ADAMTS17: variants seen among roughly 807,000 people sequenced by gnomAD.
ADAMTS17 encodes ADAM metallopeptidase with thrombospondin type 1 motif 17, also known as A disintegrin and metalloproteinase with thrombospondin motifs 17.
A neutral mutation model predicts 141.5 loss-of-function variants in ADAMTS17; 113 were observed. The ratio of observed to expected loss-of-function variants is 0.80; its 90% CI spans 0.69 to 0.93. The LOEUF (loss-of-function observed/expected upper bound fraction) is 0.93, where lower values mean the gene tolerates loss of function less well. Among genes scored for constraint, ADAMTS17 ranks in the 40% least tolerant of loss-of-function variants. The pLI is 0.00. For synonymous variants in ADAMTS17, 768 were observed against 630.6 expected (o/e 1.22, Z -3.27); for missense variants, 1,659 against 1,517.9 (o/e 1.09, Z -1.54).
intron 8 of ADAMTS17, among the ~76,000 whole-genome samples, chr15:100,176,975 G>T (rs1031724098): frequency 6.6e-6 from 1 of 152,206 alleles, no homozygotes; most frequent in Admixed American, 6.5e-5. Flanking sequence ...AGGTGGTATT[G>T]CATGATATGA....
chr15:100,028,796 T>C (rs142694927), intron 18 of ADAMTS17, among the ~76,000 whole-genome samples: 1 of 152,316 alleles, frequency 6.6e-6, no homozygotes, highest in African/African-American at 2.4e-5. Flanking sequence ...GCCATGCTCT[T>C]TGCCTGCTTT....
intron 4 of ADAMTS17, among the ~76,000 whole-genome samples, chr15:100,280,719 T>C (rs1206193396): frequency 6.6e-6 from 1 of 152,150 alleles, no homozygotes; most frequent in Non-Finnish European, 1.5e-5. Flanking sequence ...GTCTAACATT[T>C]GAGGAGTCAG....
rs536603255 is a variant in ADAMTS17, at chr15:100,142,039, G to T, written c.1474-8724C>A. 4.5e-4 allele frequency among the ~76,000 whole-genome samples: 69 copies of T among 152,352 alleles called. 2 individuals carry two copies. Among genetic ancestry groups the T allele is most frequent in the South Asian group, 1.9e-3 (9 of 4,834 alleles). ...GATGAGCAGTTTCCTAACTAAGCTG[G>T]ATGGAAGAATCTCCAGGGAAGCTGT... On this transcript the variant is annotated intron_variant, in intron 10 of 21. Transcript: ENST00000268070.
chr15:100,118,493 C>T (rs2141159760), intron 12 of ADAMTS17, among the ~76,000 whole-genome samples: 1 of 152,344 alleles, frequency 6.6e-6, no homozygotes, highest in Admixed American at 6.5e-5. Flanking sequence ...GCTGGTCTTC[C>T]AGTTAGGCAA....
At chr15:100,123,546 T>C (rs2037561439) in intron 12 of ADAMTS17, among the ~76,000 whole-genome samples, 1 of 152,180 alleles carries the variant, frequency 6.6e-6, no homozygotes, top group African/African-American at 2.4e-5. Flanking sequence ...GACTGATCCC[T>C]GAGGACCGGG....
At chr15:100,152,839 G>A in intron 9 of ADAMTS17, 77 bp from the exon 10 acceptor site, 1 of 978,188 alleles carries the variant, frequency 1.0e-6, no homozygotes, top group Non-Finnish European at 1.5e-6. Context: ...TTTTTTTTTT[G>A]AGTTTTCAGT....
At chr15:100,171,746 C>T (rs1490477528) in intron 8 of ADAMTS17, among the ~76,000 whole-genome samples, 1 of 152,170 alleles carries the variant, frequency 6.6e-6, no homozygotes, top group Non-Finnish European at 1.5e-5. Context: ...AACCTCCCGG[C>T]AGCCTGGCTC....
intron 21 of ADAMTS17, 65 bp from the exon 22 acceptor site, chr15:99,974,627 C>G (rs1490538597): frequency 3.7e-6 from 6 of 1,603,008 alleles, no homozygotes; most frequent in Non-Finnish European, 5.1e-6. Flanking sequence ...GATGCAGGCA[C>G]AGGGAGGGCT....
At chr15:100,318,526 G>A (rs1218862603) in intron 3 of ADAMTS17, among the ~76,000 whole-genome samples, 1 of 152,140 alleles carries the variant, frequency 6.6e-6, no homozygotes, top group East Asian at 1.9e-4. Context: ...CAGAGAGCAG[G>A]CCCCTCACCA....
At chr15:100,061,651 G>C (rs2033131064) in intron 15 of ADAMTS17, among the ~76,000 whole-genome samples, 1 of 152,212 alleles carries the variant, frequency 6.6e-6, no homozygotes, top group African/African-American at 2.4e-5. Context: ...GTGGAGATTA[G>C]GAAGACACTC....
intron 6 of ADAMTS17, chr15:100,256,842 G>C (rs1415188838): frequency 2.0e-5 from 3 of 152,582 alleles, no homozygotes; most frequent in African/African-American, 4.8e-5. Flanking sequence ...GCCCCCCCAG[G>C]TGCTGAAGCC....
At chr15:100,131,868 T>C (rs746796086) in intron 12 of ADAMTS17, 139 bp downstream of exon 12, 292 of 1,320,686 alleles carry the variant, frequency 2.2e-4, no homozygotes, top group Non-Finnish European at 2.8e-4. Flanking sequence ...CCCTGCACCC[T>C]GGACCTTGGC....
rs372568076 is a variant in ADAMTS17 at position 100,216,496 on chromosome 15, C to T, written c.1076-17073G>A. On this transcript the variant is annotated intron_variant, in intron 7 of 21. Transcript: ENST00000268070. The stretch of plus-strand genomic sequence containing the variant: ...CATCAGAGGCCACTCTCTTTATCTG[C>T]GCTGGGGGCCAGGACAAGGTTGGCC... Among the ~76,000 whole-genome samples the T allele has an allele frequency of 7.9e-5, 12 of 152,296 alleles. No individual in the cohort carries two copies. The East Asian group carries it at 1.7e-3, about 22-fold the overall frequency.
rs899343468 is a variant in ADAMTS17, at chr15:100,174,357, A to G, written c.1182-19037T>C. On this transcript the variant is annotated intron_variant, in intron 8 of 21. Transcript: ENST00000268070. ...GTCTGCCCTGACAGGGAATATTCTA[A>G]GGAACAAAGTTCAGGAACTGTAATC... Among the ~76,000 whole-genome samples, 10 of 152,084 alleles carry G rather than the reference A, an allele frequency of 6.6e-5. 1 individual carries two copies. Among genetic ancestry groups the G allele is most frequent in the African/African-American group, 2.4e-4 (10 of 41,328 alleles).
chr15:100,162,542 T>C lies in ADAMTS17; in HGVS notation c.1182-7222A>G, dbSNP rs549374195. Among the ~76,000 whole-genome samples the C allele has an allele frequency of 8.5e-3, 353 of 41,412 alleles. 7 individuals carry two copies. Among genetic ancestry groups the C allele is most frequent in the African/African-American group, 0.033 (324 of 9,792 alleles). 27.2% of individuals were successfully genotyped at this position (41,412 alleles called of 152,430 possible). A position where few individuals can be genotyped will look rare whatever the true frequency, so the allele number is the denominator to read the frequency against. The stretch of plus-strand genomic sequence containing the variant: ...TATGCACATATACACATTATATGTG[T>C]ATATATATGCACATATACACATTAT... On this transcript the variant is annotated intron_variant, in intron 8 of 21. Transcript: ENST00000268070.
intron 15 of ADAMTS17, among the ~76,000 whole-genome samples, chr15:100,057,525 C>T (rs980539447): frequency 6.6e-6 from 1 of 152,192 alleles, no homozygotes; most frequent in African/African-American, 2.4e-5. Flanking sequence ...CTGCCCTGAG[C>T]TGGGGCCCCA....
chr15:100,021,638 A>G (rs1474604764), intron 18 of ADAMTS17, among the ~76,000 whole-genome samples: 1 of 152,196 alleles, frequency 6.6e-6, no homozygotes, highest in African/African-American at 2.4e-5. Flanking sequence ...TCATTCGTTC[A>G]GTCCACGCTC....
chr15:100,156,133 C>T (rs574007324), intron 8 of ADAMTS17, among the ~76,000 whole-genome samples: 13 of 152,316 alleles, frequency 8.5e-5, no homozygotes, highest in Admixed American at 5.2e-4. Context: ...TGCCAGGTAA[C>T]GGACCACAAG....
chr15:100,114,875 CAGA>C (rs2037015461), intron 13 of ADAMTS17, among the ~76,000 whole-genome samples: 1 of 152,186 alleles, frequency 6.6e-6, no homozygotes, highest in Admixed American at 6.5e-5. Flanking sequence ...AGAAGGAAAA[CAGA>C]AGTTTAATCT....
Sources: gnomAD v4.1 joint callset for allele counts (sites outside exome capture counted in the v4.1 genomes callset) on GRCh38, gnomAD v4.1.1 for gene constraint, MANE v1.5 for transcripts, NCBI Gene and HGNC (gene_info 2026-07-23, HGNC 2026-07-21) for gene names.